The following NSD3 variants were observed in gnomAD, a reference collection of about 807,000 sequenced individuals.
NSD3 encodes histone-lysine N-methyltransferase NSD3.
In NSD3, 24 loss-of-function variants were observed where a neutral mutation model predicts 160.8. That is an observed-to-expected ratio of 0.15 (90% CI 0.11 to 0.21). NSD3 has a LOEUF of 0.21. Among genes scored for constraint, NSD3 ranks in the 10% least tolerant of loss-of-function variants. The probability of loss-of-function intolerance (pLI) is 1.00; values close to 1 mark genes in which losing one functional copy is unlikely to be tolerated. For synonymous variants in NSD3, 520 were observed against 600.0 expected (o/e 0.87, Z 1.95); for missense variants, 1,157 against 1,735.9 (o/e 0.67, Z 5.93).
At chr8:38,375,432 C>G (rs942840282) in intron 1 of NSD3, among the ~76,000 whole-genome samples, 61 of 152,254 alleles carry the variant, frequency 4.0e-4, no homozygotes, top group Admixed American at 3.9e-3. Context: ...GTGGTAAAAA[C>G]TGAACATTCT....
At chr8:38,315,304 G>A (rs958281330) in intron 11 of NSD3, 112 bp downstream of exon 11, 12 of 1,279,682 alleles carry the variant, frequency 9.4e-6, no homozygotes, top group Admixed American at 2.8e-5. Context: ...TAGCTTTAAA[G>A]TAATATCATA....
chr8:38,315,969 A>C lies in NSD3; in HGVS notation c.1929T>G (p.Thr643=). The C allele has an allele frequency of 6.2e-7, 1 of 1,613,738 alleles. No homozygotes were observed. The highest frequency in any genetic ancestry group is 8.5e-7 in the Non-Finnish European group (1 of 1,180,008). ...CAGATGTGTCTCTGTATGCTGAACT[A>C]GTCATTTCTACATCAGTTGAGGCGC... ...RSRASTDVEM[T]SSAYRDTSDS... is the part of the protein sequence containing the mutation. The change falls in exon 10 of 24, where the codon ACT becomes ACG. Residue 643 remains threonine, a synonymous_variant. Coordinates refer to ENST00000317025, the MANE Select transcript of NSD3 (RefSeq NM_023034.2).
At position 38,316,160 on chromosome 8, in the gene NSD3, GCT is replaced by G; in HGVS notation, c.1856-120_1856-119del. On this transcript the variant is annotated intron_variant, in intron 9 of 23. Transcript: ENST00000317025. This position sits in a 1 kb window ranked among gnomAD's most constrained non-coding sequence, Gnocchi z 4.5. Reference sequence around the variant, plus strand: ...TCATCTTTAGTGTGGAAAAAGCATAGCTCTCTTTGTAACACTGAAATAATGAG... The same window carrying G: ...TCATCTTTAGTGTGGAAAAAGCATAGCTCTTTGTAACACTGAAATAATGAG... The G allele has an allele frequency of 7.2e-7, 1 of 1,390,982 alleles. No homozygotes were observed. The highest frequency in any genetic ancestry group is 2.4e-5 in the East Asian group (1 of 41,382). 86.2% of individuals were successfully genotyped at this position (1,390,982 alleles called of 1,614,324 possible). A position where few individuals can be genotyped will look rare whatever the true frequency, so the allele number is the denominator to read the frequency against.
chr8:38,288,363 TG>T lies in NSD3; in HGVS notation c.3501+123del, dbSNP rs965197583. 140 of 1,358,524 alleles carry T rather than the reference TG, an allele frequency of 1.0e-4. No individual in the cohort carries two copies. The Middle Eastern group carries it at 1.9e-3, about 18-fold the overall frequency. 84.2% of individuals were successfully genotyped at this position (1,358,524 alleles called of 1,614,324 possible). A position where few individuals can be genotyped will look rare whatever the true frequency, so the allele number is the denominator to read the frequency against. ...CTCAAGAAGTACCAAACTCTCAACA[TG>T]GAAAGTTTTAACATTTTACCACAAA... On this transcript the variant is annotated intron_variant, in intron 19 of 23. Transcript: ENST00000317025. The surrounding 1 kb of genome is among the most constrained non-coding windows in gnomAD (Gnocchi z 4.5).
intron 14 of NSD3, among the ~76,000 whole-genome samples, chr8:38,303,002 C>A (rs1409338985): frequency 2.0e-5 from 3 of 152,200 alleles, no homozygotes; most frequent in African/African-American, 7.2e-5. Context: ...ATTAATTAAT[C>A]TACTGATGGC....
At chr8:38,342,973 C>T (rs1036646006) in intron 2 of NSD3, among the ~76,000 whole-genome samples, 2 of 151,872 alleles carry the variant, frequency 1.3e-5, no homozygotes, top group East Asian at 3.9e-4. Flanking sequence ...GGGTGGATCA[C>T]TTGAGGTCAG....
rs1563343387 is a variant in NSD3, at chr8:38,288,834, C to T, written c.3232-78G>A. 6.5e-7 allele frequency: 1 copy of T among 1,548,412 alleles called. No homozygotes were observed. On this transcript the variant is annotated intron_variant, in intron 18 of 23. Coordinates refer to ENST00000317025, the MANE Select transcript of NSD3 (RefSeq NM_023034.2). This position sits in a 1 kb window ranked among gnomAD's most constrained non-coding sequence, Gnocchi z 4.5. ...ATGTGAACAGGAACATCTAAAACATCCACGCTACTGCCTCGTGGTGCTACT... is the reference window on the plus strand; with the variant it reads ...ATGTGAACAGGAACATCTAAAACATTCACGCTACTGCCTCGTGGTGCTACT...
intron 1 of NSD3, among the ~76,000 whole-genome samples, chr8:38,370,146 CAAAA>C (rs1479326392): frequency 6.6e-6 from 1 of 152,062 alleles, no homozygotes; most frequent in Non-Finnish European, 1.5e-5. Flanking sequence ...GCGAACATAA[CAAAA>C]GAACAACTTT....
intron 2 of NSD3, among the ~76,000 whole-genome samples, 198 bp downstream of exon 2, chr8:38,347,299 A>C (rs1018247763): frequency 6.6e-6 from 1 of 152,236 alleles, no homozygotes; most frequent in Non-Finnish European, 1.5e-5. Context: ...TGTTTTAAAA[A>C]TATTTCTTAA....
intron 2 of NSD3, among the ~76,000 whole-genome samples, chr8:38,343,900 C>T (rs1810447871): frequency 6.6e-6 from 1 of 152,116 alleles, no homozygotes; most frequent in African/African-American, 2.4e-5. Context: ...GAGACTCTGC[C>T]TTAGTGGATT....
intron 1 of NSD3, among the ~76,000 whole-genome samples, chr8:38,352,212 T>G (rs909265578): frequency 6.6e-5 from 10 of 152,152 alleles, no homozygotes; most frequent in Admixed American, 6.5e-4. Context: ...GAAACAAAGC[T>G]GACAATACAC....
At chr8:38,370,895 T>C (rs1811231014) in intron 1 of NSD3, among the ~76,000 whole-genome samples, 1 of 152,138 alleles carries the variant, frequency 6.6e-6, no homozygotes. Flanking sequence ...TTATATCTTT[T>C]AAGTAATTCT....
intron 12 of NSD3, among the ~76,000 whole-genome samples, chr8:38,306,529 G>A (rs541792692): frequency 1.8e-4 from 28 of 152,104 alleles, no homozygotes; most frequent in African/African-American, 5.8e-4. Flanking sequence ...GAAGAAACAA[G>A]TAAAAGACAA....
chr8:38,344,118 T>C (rs1810454444), intron 2 of NSD3, among the ~76,000 whole-genome samples: 1 of 152,166 alleles, frequency 6.6e-6, no homozygotes, highest in Non-Finnish European at 1.5e-5. Context: ...GCCTAGATGT[T>C]TGGACACATT....
intron 16 of NSD3, among the ~76,000 whole-genome samples, chr8:38,291,918 G>A (rs913750389): frequency 2.0e-5 from 3 of 152,230 alleles, no homozygotes; most frequent in African/African-American, 7.2e-5. Context: ...TTAGTTCACG[G>A]ATGGAAGTCT....
intron 7 of NSD3, among the ~76,000 whole-genome samples, chr8:38,322,434 G>A (rs192237757): frequency 6.6e-6 from 1 of 152,062 alleles, no homozygotes; most frequent in Non-Finnish European, 1.5e-5. Flanking sequence ...CTGAGGATCC[G>A]AGATCCATAC....
At chr8:38,352,856 G>A (rs928746374) in intron 1 of NSD3, among the ~76,000 whole-genome samples, 1 of 152,078 alleles carries the variant, frequency 6.6e-6, no homozygotes, top group Admixed American at 6.6e-5. Flanking sequence ...TTTTACTACT[G>A]TATCACTTCT....
In NSD3 at chr8:38,334,751, CAA is replaced by C. The variant is rs1810167904; in HGVS notation, c.910+2552_910+2553del. ...CTACAGCCTGGGCAACAATCCATCT[CAA>C]AAACAAACAAACAAACAAAAAAAAC... On this transcript the variant is annotated intron_variant, in intron 4 of 23. Transcript: ENST00000317025. Among the ~76,000 whole-genome samples, 6 of 146,648 alleles carry C rather than the reference CAA, an allele frequency of 4.1e-5. 1 individual carries two copies. Among genetic ancestry groups the C allele is most frequent in the Admixed American group, 1.3e-4 (2 of 14,832 alleles).
At position 38,316,851 on chromosome 8, in the gene NSD3, A is replaced by C; in HGVS notation, c.1856-809T>G. On this transcript the variant is annotated intron_variant, in intron 9 of 23. Transcript: ENST00000317025. This position sits in a 1 kb window ranked among gnomAD's most constrained non-coding sequence, Gnocchi z 4.5. Reference sequence around the variant, plus strand: ...TGTGTAATACAAATCCAGCCAAAACAATAGTGCAAAAAGTTACAAAGCAAC... The same window carrying C: ...TGTGTAATACAAATCCAGCCAAAACCATAGTGCAAAAAGTTACAAAGCAAC... 2 of 1,062,714 alleles carry C rather than the reference A, an allele frequency of 1.9e-6. No homozygotes were observed. The highest frequency in any genetic ancestry group is 2.3e-6 in the Non-Finnish European group (2 of 877,490). The allele number at this position is 1,062,714 out of a possible 1,614,324, so 65.8% of individuals were successfully genotyped here.
Sources: allele counts gnomAD v4.1 joint callset (sites outside exome capture counted in the v4.1 genomes callset), GRCh38; gene constraint gnomAD v4.1.1; non-coding constraint Gnocchi (gnomAD v3.1); transcripts MANE v1.5; gene names NCBI Gene and HGNC (gene_info 2026-07-23, HGNC 2026-07-21).